CPA6: variants seen among roughly 807,000 people sequenced by gnomAD.
CPA6 encodes the protein carboxypeptidase B.
In CPA6, 58 loss-of-function variants were observed where a neutral mutation model predicts 63.3. The ratio of observed to expected loss-of-function variants is 0.92; its 90% confidence interval spans 0.74 to 1.14. The LOEUF (loss-of-function observed/expected upper bound fraction) is 1.14. CPA6 is among the 50% of genes most tolerant of loss of function. CPA6 has a pLI of 0.00. For synonymous variants in CPA6, 185 were observed against 179.0 expected, an observed-to-expected ratio of 1.03 and a Z score of -0.27; for missense variants, 565 against 526.6, an observed-to-expected ratio of 1.07 and a Z score of -0.71.
chr8:67,651,970 C>T (rs541730289), intron 1 of CPA6, among the ~76,000 whole-genome samples: 4 of 151,930 alleles, frequency 2.6e-5, no homozygotes, highest in African/African-American at 9.7e-5. Flanking sequence ...TCAATTCCCA[C>T]CTATGAGTGA....
intron 1 of CPA6, among the ~76,000 whole-genome samples, chr8:67,710,403 AC>A (rs61370329): frequency 0.08 from 5,192 of 64,870 alleles, 203 homozygotes; most frequent in African/African-American, 0.18. Flanking sequence ...TCCCGCCCCC[AC>A]CCCCCCCCAA....
chr8:67,705,102 G>A (rs754449580), intron 1 of CPA6, among the ~76,000 whole-genome samples: 16 of 152,244 alleles, frequency 1.1e-4, no homozygotes, highest in Non-Finnish European at 2.4e-4. Flanking sequence ...ACCCTCCCAG[G>A]TAACTGCCAT....
At chr8:67,546,407 C>T (rs975853981) in intron 2 of CPA6, among the ~76,000 whole-genome samples, 1 of 152,160 alleles carries the variant, frequency 6.6e-6, no homozygotes, top group Non-Finnish European at 1.5e-5. Flanking sequence ...CTCTACTGTC[C>T]CTCAAGGTTG....
intron 1 of CPA6, among the ~76,000 whole-genome samples, chr8:67,720,058 AAG>A (rs1284516340): frequency 1.3e-5 from 2 of 152,070 alleles, no homozygotes; most frequent in African/African-American, 2.4e-5. Flanking sequence ...TGAGTCCGAA[AAG>A]AGAGTCAGCG....
chr8:67,511,424 C>A (rs1392738418), intron 4 of CPA6, 117 bp downstream of exon 4: 4 of 660,798 alleles, frequency 6.1e-6, no homozygotes, highest in Non-Finnish European at 1.1e-5. Context: ...TCACATAGTA[C>A]CTTCTCTGTC....
chr8:67,741,148 A>T (rs555002563), intron 1 of CPA6, among the ~76,000 whole-genome samples: 1 of 152,300 alleles, frequency 6.6e-6, no homozygotes, highest in East Asian at 1.9e-4. Flanking sequence ...CCAAGACGTG[A>T]GAGGCATCTT....
At chr8:67,613,337 C>T (rs1057411393) in intron 2 of CPA6, among the ~76,000 whole-genome samples, 1 of 152,214 alleles carries the variant, frequency 6.6e-6, no homozygotes, top group Non-Finnish European at 1.5e-5. Flanking sequence ...GAATGAACTA[C>T]ATATGCTCAT....
intron 1 of CPA6, among the ~76,000 whole-genome samples, chr8:67,653,828 G>A (rs1587673548): frequency 6.6e-6 from 1 of 151,972 alleles, no homozygotes; most frequent in Non-Finnish European, 1.5e-5. Context: ...CCAGTTTTTA[G>A]AGGGAATGCT....
At chr8:67,425,907 T>G (rs1355417881) in intron 10 of CPA6, among the ~76,000 whole-genome samples, 1 of 151,462 alleles carries the variant, frequency 6.6e-6, no homozygotes, top group Non-Finnish European at 1.5e-5. Flanking sequence ...TTCTTTTTTT[T>G]TTTTTTTGAA....
chr8:67,509,686 G>A, intron 4 of CPA6, 68 bp from the exon 5 acceptor site: 1 of 753,604 alleles, frequency 1.3e-6, no homozygotes, highest in Middle Eastern at 2.8e-4. Flanking sequence ...AGAACAAAAG[G>A]AAACAAAAAG....
chr8:67,633,699 T>G (rs1234970163), intron 1 of CPA6, among the ~76,000 whole-genome samples: 1 of 127,024 alleles, frequency 7.9e-6, no homozygotes, highest in Non-Finnish European at 1.7e-5. Context: ...AAAAAAAAAA[T>G]CAATTTTCTT....
chr8:67,719,901 C>T (rs1225718123), intron 1 of CPA6, among the ~76,000 whole-genome samples: 1 of 152,042 alleles, frequency 6.6e-6, no homozygotes, highest in Non-Finnish European at 1.5e-5. Flanking sequence ...AGTTGGCGTC[C>T]ATGCATCCAC....
intron 9 of CPA6, among the ~76,000 whole-genome samples, chr8:67,432,139 A>G (rs937053089): frequency 6.6e-6 from 1 of 152,228 alleles, no homozygotes; most frequent in Non-Finnish European, 1.5e-5. Flanking sequence ...AAGTAGCTTC[A>G]GGATGCAGGG....
rs557347201 is a variant in CPA6, at chr8:67,524,228, CT to C, written c.193-6182del. ...TAGGTCAAGGTATGTTTGTTGTCTG[CT>C]TTCATAGAATTTTTTTTCACAGTCC... is the stretch of plus-strand genomic sequence containing the variant. On this transcript the variant is annotated intron_variant, in intron 2 of 10. Transcript: ENST00000297770. 2.9e-3 allele frequency among the ~76,000 whole-genome samples: 446 copies of C among 152,230 alleles called. 4 individuals carry two copies. Among genetic ancestry groups the C allele is most frequent in the African/African-American group, 0.01 (416 of 41,540 alleles).
intron 8 of CPA6, among the ~76,000 whole-genome samples, chr8:67,443,814 G>C (rs1170393166): frequency 6.6e-6 from 1 of 152,168 alleles, no homozygotes; most frequent in Non-Finnish European, 1.5e-5. Context: ...ATCTGGGCCA[G>C]AGATATTGAC....
chr8:67,441,158 G>T (rs1357962979), intron 8 of CPA6, among the ~76,000 whole-genome samples: 1 of 152,108 alleles, frequency 6.6e-6, no homozygotes, highest in African/African-American at 2.4e-5. Context: ...GAGTCTCCAA[G>T]ACACCTGGAT....
intron 8 of CPA6, among the ~76,000 whole-genome samples, chr8:67,483,003 T>G (rs1438343765): frequency 1.3e-5 from 2 of 152,198 alleles, no homozygotes; most frequent in African/African-American, 4.8e-5. Context: ...AATGAGTGAA[T>G]GTGGACTAGG....
chr8:67,508,329 G>C (rs1306747794), intron 5 of CPA6, among the ~76,000 whole-genome samples: 1 of 152,102 alleles, frequency 6.6e-6, no homozygotes, highest in African/African-American at 2.4e-5. Flanking sequence ...TGATGTCCAT[G>C]TTTCTGAATT....
intron 1 of CPA6, among the ~76,000 whole-genome samples, chr8:67,696,325 T>C (rs1483677242): frequency 6.6e-6 from 1 of 152,126 alleles, no homozygotes; most frequent in Non-Finnish European, 1.5e-5. Context: ...ATTAGGGAAA[T>C]GCAAATTACA....
Sources: gnomAD v4.1 joint callset for allele counts (sites outside exome capture counted in the v4.1 genomes callset) on GRCh38, gnomAD v4.1.1 for gene constraint, MANE v1.5 for transcripts, NCBI Gene and HGNC (gene_info 2026-07-23, HGNC 2026-07-21) for gene names.